The following EMC1 variants were observed in gnomAD, a reference collection of about 807,000 sequenced individuals.
EMC1 encodes ER membrane protein complex subunit 1, also known as KIAA0090.
EMC1 carries 103 observed loss-of-function variants against 128.8 expected under a neutral mutation model. The ratio of observed to expected loss-of-function variants is 0.80; its 90% CI spans 0.68 to 0.94. EMC1 has a LOEUF of 0.94. Ranked by LOEUF, EMC1 falls within the 40% of genes least tolerant of loss-of-function variation. The pLI, the probability that EMC1 is intolerant of heterozygous loss-of-function variation, is 0.00. For synonymous variants in EMC1, 442 were observed against 490.4 expected (o/e 0.90, Z 1.30); for missense variants, 1,083 against 1,250.6 (o/e 0.87, Z 2.02).
At chr1:19,244,840 A>G (rs2093624542) in intron 2 of EMC1, 66 bp downstream of exon 2, 6 of 1,582,616 alleles carry the variant, frequency 3.8e-6, no homozygotes, top group Admixed American at 1.7e-5. Context: ...TCAGCCAGGC[A>G]GAGTTGGCAA....
At position 19,251,520 on chromosome 1, in the gene EMC1, C is replaced by T. The variant is rs2093659574; in HGVS notation, c.-11G>A. On this transcript the variant is annotated 5_prime_UTR_variant, in exon 1 of 23. It removes an upstream start codon present in the reference 5' UTR. Transcript: ENST00000477853. Reference sequence around the variant, plus strand: ...CCACTCAGCCGCCATGATGCGAGCGCATGCACCACCCACCGCCGTCCCGGC... The same window carrying T: ...CCACTCAGCCGCCATGATGCGAGCGTATGCACCACCCACCGCCGTCCCGGC... The T allele has an allele frequency of 3.1e-6, 5 of 1,613,614 alleles. No individual in the cohort carries two copies. Among genetic ancestry groups the T allele is most frequent in the Admixed American group, 1.7e-5 (1 of 60,014 alleles).
chr1:19,241,099 C>G lies in EMC1; in HGVS notation c.553G>C (p.Val185Leu). Residue 185 changes from valine to leucine, a missense_variant, in exon 6 of 23, where the codon GTG becomes CTG. By Grantham distance (32) the Val-to-Leu change is conservative. Around this residue, in one of 3 missense-constraint regions of EMC1, gnomAD observed 544 missense variants for 572.4 expected, o/e 0.95. Transcript: ENST00000477853. ...GGAACAACTCCGAGGGCCCACACCA[C>G]CCCAGAGCCGTAAGAATACACCATC... ...YQMVYSYGSG[V>L]VWALGVVPFS... The G allele has an allele frequency of 1.2e-6, 2 of 1,614,188 alleles. No homozygotes were observed. Among genetic ancestry groups the G allele is most frequent in the Non-Finnish European group, 1.7e-6 (2 of 1,180,016 alleles).
rs761754934 is a variant in EMC1, at chr1:19,222,635, C to T, written c.2576G>A (p.Arg859Gln). ...ATITERGITSRHLLIGLPSGA... is the reference protein window; with the variant it reads ...ATITERGITSQHLLIGLPSGA... ...CCCCAGTCACTCACTCAGCAGGTGT[C>T]GGCTGGTGATGCCCCGTTCGGTGAT... Residue 859 changes from arginine to glutamine, a missense_variant, in exon 20 of 23, where the codon CGA becomes CAA. Transcript: ENST00000477853. 3.1e-6 allele frequency: 5 copies of T among 1,613,538 alleles called. No homozygotes were observed. Among genetic ancestry groups the T allele is most frequent in the Admixed American group, 1.7e-5 (1 of 59,996 alleles).
intron 1 of EMC1, among the ~76,000 whole-genome samples, chr1:19,249,709 G>C (rs1192458939): frequency 6.6e-6 from 1 of 152,072 alleles, no homozygotes; most frequent in African/African-American, 2.4e-5. Context: ...CAGATTGCTT[G>C]AGCCCAGGTG....
At chr1:19,228,613 A>G (rs2093495983) in intron 17 of EMC1, among the ~76,000 whole-genome samples, 1 of 152,178 alleles carries the variant, frequency 6.6e-6, no homozygotes, top group African/African-American at 2.4e-5. Flanking sequence ...TCACTGAGCC[A>G]TACCTCATGA....
chr1:19,243,681 G>A lies in EMC1; in HGVS notation c.313C>T (p.Arg105Ter), dbSNP rs148538980. 13 of 1,614,120 alleles carry A rather than the reference G, an allele frequency of 8.1e-6. No homozygotes were observed. The highest frequency in any genetic ancestry group is 5.0e-5 in the Admixed American group (3 of 60,010). Residue 105 changes from arginine (R) to a stop codon, truncating the protein, a stop_gained, in exon 4 of 23, where the codon CGA becomes TGA. Coordinates refer to ENST00000477853, the MANE Select transcript of EMC1 (RefSeq NM_015047.3). LOFTEE classifies it high-confidence loss of function. ...QDVITVSNGG[R>*]IMRSWETNIG... is the part of the protein sequence containing the mutation. The stretch of plus-strand genomic sequence containing the variant: ...TTAGTCTCCCAGGAACGCATGATTC[G>A]GCCTCCATTGGACACAGTGATCACA...
chr1:19,237,898 C>T (rs766510211), intron 11 of EMC1, 119 bp downstream of exon 11: 2 of 1,320,880 alleles, frequency 1.5e-6, no homozygotes, highest in African/African-American at 3.0e-5. Flanking sequence ...TCAGAGAGCA[C>T]TAGAACACAT....
In EMC1 at chr1:19,219,674, A is replaced by G. The variant is rs1571965115; in HGVS notation, c.2697T>C (p.Ser899=). The part of the protein sequence containing the change: ...QSREENLIPY[S]PDVQIHAERF... ...GCTCTGCGTGTATCTGTACATCTGG[A>G]GAATACGGGATTAAGTTCTCCTCTC... is the stretch of plus-strand genomic sequence containing the variant. Residue 899 remains serine (S), a synonymous_variant, in exon 22 of 23, where the codon TCT becomes TCC. Coordinates refer to ENST00000477853, the MANE Select transcript of EMC1 (RefSeq NM_015047.3). The G allele has an allele frequency of 6.2e-7, 1 of 1,614,022 alleles. No homozygotes were observed. The highest frequency in any genetic ancestry group is 8.5e-7 in the Non-Finnish European group (1 of 1,180,012).
chr1:19,249,943 C>T (rs1429454175), intron 1 of EMC1, among the ~76,000 whole-genome samples: 10 of 147,876 alleles, frequency 6.8e-5, no homozygotes, highest in East Asian at 2.0e-4. Context: ...CTTGGCTGGG[C>T]GCAGTGGCTC....
intron 18 of EMC1, among the ~76,000 whole-genome samples, chr1:19,225,493 A>G (rs1430740910): frequency 6.6e-6 from 1 of 152,134 alleles, no homozygotes; most frequent in Middle Eastern, 3.2e-3. Flanking sequence ...CTAAAAATAC[A>G]AAATTTAGCT....
chr1:19,250,534 C>T (rs2093654033), intron 1 of EMC1, among the ~76,000 whole-genome samples: 1 of 152,184 alleles, frequency 6.6e-6, no homozygotes, highest in Non-Finnish European at 1.5e-5. Flanking sequence ...AGGTACTCAA[C>T]ATATATGCGA....
At chr1:19,248,969 G>A (rs1451564027) in intron 1 of EMC1, among the ~76,000 whole-genome samples, 1 of 152,120 alleles carries the variant, frequency 6.6e-6, no homozygotes. Context: ...GAGGCAGGAG[G>A]CTTGCTTGAG....
intron 1 of EMC1, among the ~76,000 whole-genome samples, chr1:19,250,266 T>C (rs1215320666): frequency 6.7e-6 from 1 of 150,070 alleles, no homozygotes; most frequent in Non-Finnish European, 1.5e-5. Flanking sequence ...CAGAGTCCTT[T>C]TCCCCCCTCA....
intron 19 of EMC1, chr1:19,223,089 A>G (rs1218168179): frequency 1.8e-6 from 1 of 559,322 alleles, no homozygotes; most frequent in East Asian, 2.9e-5. Context: ...CCTTTGAATC[A>G]TTACTAGGTG....
chr1:19,237,276 A>C, intron 11 of EMC1, 38 bp from the exon 12 acceptor site: 2 of 1,471,748 alleles, frequency 1.4e-6, no homozygotes, highest in South Asian at 1.1e-5. Flanking sequence ...GTCAGTGAGG[A>C]TCCAAATGCC....
At chr1:19,224,232 G>A (rs2093454261) in intron 18 of EMC1, among the ~76,000 whole-genome samples, 2 of 152,106 alleles carry the variant, frequency 1.3e-5, no homozygotes, top group South Asian at 4.1e-4. Context: ...TTACCCTCGT[G>A]GTGATCTCAA....
At position 19,219,016 on chromosome 1, in the gene EMC1, G is replaced by A. The variant is rs976827622; in HGVS notation, c.*287C>T. On this transcript the variant is annotated 3_prime_UTR_variant, in exon 23 of 23. Transcript: ENST00000477853. Reference sequence around the variant, plus strand: ...AAAACAAAACAGAACATTCATGGATGGGCAAAGAAAGGAAACAATGCAGAC... The same window carrying A: ...AAAACAAAACAGAACATTCATGGATAGGCAAAGAAAGGAAACAATGCAGAC... 1.4e-5 allele frequency: 4 copies of A among 294,310 alleles called. No individual in the cohort carries two copies. Among genetic ancestry groups the A allele is most frequent in the Non-Finnish European group, 2.5e-5 (4 of 157,670 alleles). The allele number at this position is 294,310 out of a possible 1,614,324, so 18.2% of individuals were successfully genotyped here. A position where few individuals can be genotyped will look rare whatever the true frequency, so the allele number is the denominator to read the frequency against.
At chr1:19,231,105 A>G in intron 16 of EMC1, 142 bp from the exon 17 acceptor site, 1 of 1,330,808 alleles carries the variant, frequency 7.5e-7, no homozygotes, top group Non-Finnish European at 1.0e-6. Context: ...AGTTTTCACA[A>G]ATGCAGACAC....
At chr1:19,223,352 G>A (rs1160617891) in intron 19 of EMC1, 44 bp downstream of exon 19, 9 of 1,557,842 alleles carry the variant, frequency 5.8e-6, no homozygotes, top group Non-Finnish European at 7.9e-6. Context: ...AGGAGGCAGG[G>A]AGACCTCTGG....
Sources: allele counts gnomAD v4.1 joint callset (sites outside exome capture counted in the v4.1 genomes callset), GRCh38; gene constraint gnomAD v4.1.1; regional missense constraint gnomAD v4.1.1; transcripts MANE v1.5; gene names NCBI Gene and HGNC (gene_info 2026-07-23, HGNC 2026-07-21).